The following KLHL14 variants were observed in gnomAD, a reference collection of about 807,000 sequenced individuals.
The protein encoded by KLHL14 is kelch-like protein 14.
In KLHL14, 22 loss-of-function variants were observed where a neutral mutation model predicts 64.3. The ratio of observed to expected loss-of-function variants is 0.34; its 90% CI spans 0.24 to 0.49. The LOEUF is 0.49. KLHL14 is among the 20% of genes least tolerant of loss of function. The probability of loss-of-function intolerance (pLI) is 0.99; values close to 1 mark genes in which losing one functional copy is unlikely to be tolerated. For synonymous variants in KLHL14, 322 were observed against 333.4 expected (o/e 0.97, Z 0.37); for missense variants, 661 against 789.0 (o/e 0.84, Z 1.94).
intron 5 of KLHL14, 59 bp downstream of exon 5, chr18:32,687,096 C>T (rs1163261902): frequency 6.5e-6 from 9 of 1,375,262 alleles, no homozygotes; most frequent in Non-Finnish European, 6.2e-6. Flanking sequence ...AACCACCTAG[C>T]ACCCATGCCT....
Position 32,695,543 on chromosome 18 carries a change from T to C in KLHL14, c.1079A>G (p.Tyr360Cys), listed in dbSNP as rs371928672. The C allele has an allele frequency of 2.5e-6, 4 of 1,603,486 alleles. No individual in the cohort carries two copies. The highest frequency in any genetic ancestry group is 1.7e-5 in the Admixed American group (1 of 59,486). Reference sequence around the variant, plus strand: ...CACAACGCAGTGGTGGGCACTGTTGTATGGCATAACTGAAATTAAGAAAAA... The same window carrying C: ...CACAACGCAGTGGTGGGCACTGTTGCATGGCATAACTGAAATTAAGAAAAA... ...KTWKILTIMP[Y>C]NSAHHCVVEV... is the part of the protein sequence containing the mutation. Residue 360 changes from tyrosine (Y) to cysteine (C), a missense_variant, in exon 4 of 9, where the codon TAC (tyrosine) becomes TGC (cysteine). Transcript: ENST00000359358.
At chr18:32,695,353 C>T (rs968328439) in intron 4 of KLHL14, 110 bp downstream of exon 4, 30 of 715,608 alleles carry the variant, frequency 4.2e-5, no homozygotes, top group Admixed American at 8.7e-5. Flanking sequence ...CATTTGTCCC[C>T]GTTGCACAGA....
chr18:32,733,371 G>T (rs2050146331), intron 3 of KLHL14, among the ~76,000 whole-genome samples: 1 of 145,422 alleles, frequency 6.9e-6, no homozygotes, highest in African/African-American at 2.6e-5. Flanking sequence ...GAGACAGAGA[G>T]AGAGAAAGAG....
chr18:32,690,540 C>A (rs1360657569), intron 4 of KLHL14, among the ~76,000 whole-genome samples: 2 of 151,980 alleles, frequency 1.3e-5, no homozygotes, highest in Non-Finnish European at 2.9e-5. Context: ...ACCAGCCTGG[C>A]CAACATGGTG....
intron 3 of KLHL14, among the ~76,000 whole-genome samples, chr18:32,721,980 G>A (rs2050082179): frequency 2.0e-5 from 3 of 152,088 alleles, no homozygotes; most frequent in South Asian, 4.2e-4. Flanking sequence ...TCCGGTGGGA[G>A]GTAATTGGAT....
intron 2 of KLHL14, among the ~76,000 whole-genome samples, chr18:32,747,320 A>G (rs947924503): frequency 9.9e-5 from 15 of 152,266 alleles, no homozygotes; most frequent in African/African-American, 3.1e-4. Context: ...CTATTATTAT[A>G]TTTCTATTAT....
intron 3 of KLHL14, among the ~76,000 whole-genome samples, chr18:32,698,281 C>T (rs142872452): frequency 1.4e-3 from 214 of 152,224 alleles, no homozygotes; most frequent in African/African-American, 4.5e-3. Context: ...GCCTCGCCCT[C>T]GCAAGCAGAT....
At chr18:32,734,867 T>C (rs758207792) in intron 3 of KLHL14, among the ~76,000 whole-genome samples, 1 of 151,020 alleles carries the variant, frequency 6.6e-6, no homozygotes, top group Non-Finnish European at 1.5e-5. Context: ...GGTCTATCTG[T>C]CTCTAAAGAT....
chr18:32,680,100 A>T lies in KLHL14; in HGVS notation c.1588+69T>A. The T allele has an allele frequency of 6.9e-7, 1 of 1,446,868 alleles. No homozygotes were observed. Among genetic ancestry groups the T allele is most frequent in the East Asian group, 2.3e-5 (1 of 42,852 alleles). 89.6% of individuals were successfully genotyped at this position (1,446,868 alleles called of 1,614,324 possible). ...GTTAACTATGATTATCTAAGGAGAA[A>T]CCCCCTTAGCGAGAAATATGAGGTG... On this transcript the variant is annotated intron_variant, in intron 7 of 8. Coordinates refer to ENST00000359358, the MANE Select transcript of KLHL14 (RefSeq NM_020805.3). The surrounding 1 kb of genome is among the most constrained non-coding windows in gnomAD (Gnocchi z 4.8).
At chr18:32,694,658 A>G (rs2049928339) in intron 4 of KLHL14, among the ~76,000 whole-genome samples, 1 of 152,226 alleles carries the variant, frequency 6.6e-6, no homozygotes, top group Admixed American at 6.5e-5. Context: ...AGCACTCACA[A>G]TAAAATATAT....
chr18:32,723,440 G>GGGTA (rs1037953060), intron 3 of KLHL14, among the ~76,000 whole-genome samples: 1 of 152,110 alleles, frequency 6.6e-6, no homozygotes, highest in African/African-American at 2.4e-5. Context: ...AGAAGACTGA[G>GGGTA]GGAGGTAGGA....
chr18:32,680,505 T>C lies in KLHL14; in HGVS notation c.1333A>G (p.Asn445Asp). ...TGYLSSVECY[N>D]LETNEWRYVS... The stretch of plus-strand genomic sequence containing the variant: ...TAGCGCCATTCATTCGTTTCTAGGT[T>C]ATAGCACTCCACGCTGGACAAGTAG... Residue 445 changes from asparagine to aspartate, a missense_variant, in exon 6 of 9, where the codon AAC becomes GAC. Physicochemically the swap from Asn to Asp is conservative, Grantham distance 23. Around this residue, in one of 2 missense-constraint regions of KLHL14, gnomAD observed 330 missense variants for 450.0 expected, o/e 0.73. Transcript: ENST00000359358. This position sits in a 1 kb window ranked among gnomAD's most constrained non-coding sequence, Gnocchi z 4.8. 1 of 1,613,936 alleles carries C rather than the reference T, an allele frequency of 6.2e-7. No homozygotes were observed. Among genetic ancestry groups the C allele is most frequent in the Non-Finnish European group, 8.5e-7 (1 of 1,179,912 alleles).
At chr18:32,769,393 C>G (rs1229948206) in intron 2 of KLHL14, among the ~76,000 whole-genome samples, 4 of 152,212 alleles carry the variant, frequency 2.6e-5, no homozygotes, top group Non-Finnish European at 5.9e-5. Flanking sequence ...CCCATGTTTA[C>G]GGCTCTGGGG....
chr18:32,719,179 C>T (rs1259950459), intron 3 of KLHL14, among the ~76,000 whole-genome samples: 3 of 152,224 alleles, frequency 2.0e-5, no homozygotes, highest in Non-Finnish European at 4.4e-5. Flanking sequence ...AACTCCCGAC[C>T]TCAGGTGATC....
Position 32,680,176 on chromosome 18 carries a change from A to T in KLHL14, c.1581T>A (p.His527Gln), listed in dbSNP as rs1262084860. The T allele has an allele frequency of 1.9e-6, 3 of 1,613,076 alleles. No homozygotes were observed. Among genetic ancestry groups the T allele is most frequent in the Admixed American group, 3.3e-5 (2 of 59,878 alleles). ...AAACAACAAAAAAAAGACCTTTCAA[A>T]TGATTTCCTCCAATTGCATACAAGC... is the stretch of plus-strand genomic sequence containing the variant. ...NDRLYAIGGN[H>Q]LKGFSHLDVM... Residue 527 changes from histidine (H) to glutamine (Q), a missense_variant, in exon 7 of 9, where the codon CAT becomes CAA. By Grantham distance (24) the His-to-Gln change is conservative (BLOSUM62 0). Transcript: ENST00000359358. This position sits in a 1 kb window ranked among gnomAD's most constrained non-coding sequence, Gnocchi z 4.8.
chr18:32,737,738 C>T (rs772514364), intron 3 of KLHL14: 2 of 152,130 alleles, frequency 1.3e-5, no homozygotes, highest in African/African-American at 2.4e-5. Context: ...AGGAAACCAC[C>T]ACCCAACAGT....
At chr18:32,689,069 G>A (rs1379151187) in intron 4 of KLHL14, among the ~76,000 whole-genome samples, 2 of 152,194 alleles carry the variant, frequency 1.3e-5, no homozygotes, top group Admixed American at 6.5e-5. Flanking sequence ...GCAATTTGCT[G>A]AGGTGGGGAA....
Position 32,680,528 on chromosome 18 carries a change from T to C in KLHL14, c.1310A>G (p.Tyr437Cys). The C allele has an allele frequency of 2.5e-6, 4 of 1,613,808 alleles. No individual in the cohort carries two copies. Among genetic ancestry groups the C allele is most frequent in the Non-Finnish European group, 3.4e-6 (4 of 1,179,886 alleles). Residue 437 changes from tyrosine (Y) to cysteine (C), a missense_variant, in exon 6 of 9, where the codon TAC becomes TGC. Physicochemically the swap from Tyr to Cys is radical, Grantham distance 194. Coordinates refer to ENST00000359358, the MANE Select transcript of KLHL14 (RefSeq NM_020805.3). The surrounding 1 kb of genome is among the most constrained non-coding windows in gnomAD (Gnocchi z 4.8). ...GTTATAGCACTCCACGCTGGACAAGTAGCCAGTTTCATTCCTTCCACCAAT... is the reference window on the plus strand; with the variant it reads ...GTTATAGCACTCCACGCTGGACAAGCAGCCAGTTTCATTCCTTCCACCAAT... Reference protein sequence around the residue: ...YVIGGRNETGYLSSVECYNLE... With the variant: ...YVIGGRNETGCLSSVECYNLE...
At chr18:32,764,839 T>C (rs972873278) in intron 2 of KLHL14, among the ~76,000 whole-genome samples, 1 of 152,048 alleles carries the variant, frequency 6.6e-6, no homozygotes, top group South Asian at 2.1e-4. Flanking sequence ...TTGCTTTTTA[T>C]AGAAAAAAAT....
Sources: allele counts gnomAD v4.1 joint callset (sites outside exome capture counted in the v4.1 genomes callset), GRCh38; gene constraint gnomAD v4.1.1; regional missense constraint gnomAD v4.1.1; non-coding constraint Gnocchi (gnomAD v3.1); transcripts MANE v1.5; gene names NCBI Gene and HGNC (gene_info 2026-07-23, HGNC 2026-07-21).